The following ACVR1B variants were observed in gnomAD, a reference collection of about 807,000 sequenced individuals.
The protein encoded by ACVR1B is activin receptor type-1B.
A neutral mutation model predicts 55.6 loss-of-function variants in ACVR1B; 15 were observed. The ratio of observed to expected loss-of-function variants is 0.27; its 90% CI spans 0.18 to 0.42. The LOEUF (loss-of-function observed/expected upper bound fraction) is 0.42. Ranked by LOEUF, ACVR1B falls within the 10% of genes least tolerant of loss-of-function variation. The pLI is 1.00. For missense variants in ACVR1B, 359 were observed against 670.1 expected (o/e 0.54, Z 5.13); for synonymous variants, 247 against 254.6 (o/e 0.97, Z 0.28).
At chr12:51,961,590 C>T (rs1941528110) in intron 1 of ACVR1B, among the ~76,000 whole-genome samples, 2 of 152,026 alleles carry the variant, frequency 1.3e-5, no homozygotes, top group Admixed American at 6.5e-5. Context: ...TTTCCTTTTC[C>T]ATTGTCCCAG....
chr12:51,974,485 A>G (rs1171066563), intron 1 of ACVR1B, among the ~76,000 whole-genome samples: 1 of 151,478 alleles, frequency 6.6e-6, no homozygotes, highest in African/African-American at 2.4e-5. Context: ...GTGATTGTGT[A>G]CACTGCCTGT....
chr12:51,986,758 T>C (rs1942083376), intron 6 of ACVR1B, 60 bp from the exon 7 acceptor site: 13 of 1,554,418 alleles, frequency 8.4e-6, no homozygotes, highest in African/African-American at 2.7e-5. Context: ...ATCAATACTT[T>C]GATTTAAAGA....
chr12:51,985,206 G>A lies in ACVR1B; in HGVS notation c.994G>A (p.Ala332Thr), dbSNP rs760243909. ...TTCTCTGCCAGGGAAGCCTGGAATT[G>A]CTCATCGAGACTTAAAGTCAAAGAA... The part of the protein sequence containing the change: ...IVGTQGKPGI[A>T]HRDLKSKNIL... Residue 332 changes from alanine (A) to threonine (T), a missense_variant, in exon 6 of 9, where the codon GCT (alanine) becomes ACT (threonine). Around this residue, in one of 5 missense-constraint regions of ACVR1B, gnomAD observed 119 missense variants for 340.2 expected, o/e 0.35. Coordinates refer to ENST00000257963, the MANE Select transcript of ACVR1B (RefSeq NM_004302.5). 1 of 1,610,130 alleles carries A rather than the reference G, an allele frequency of 6.2e-7. No individual in the cohort carries two copies. Among genetic ancestry groups the A allele is most frequent in the Admixed American group, 1.7e-5 (1 of 59,026 alleles).
intron 1 of ACVR1B, among the ~76,000 whole-genome samples, chr12:51,968,307 A>T (rs1368656762): frequency 1.3e-5 from 2 of 152,270 alleles, no homozygotes; most frequent in Non-Finnish European, 2.9e-5. Context: ...ATTATTTCGA[A>T]GTGAACAAGT....
intron 1 of ACVR1B, among the ~76,000 whole-genome samples, chr12:51,957,232 G>A (rs947302964): frequency 4.6e-5 from 7 of 151,996 alleles, no homozygotes; most frequent in African/African-American, 1.7e-4. Context: ...TGGATCATGA[G>A]GTCAGGAGTT....
At chr12:51,953,383 G>A (rs1297035388) in intron 1 of ACVR1B, 2 of 985,346 alleles carry the variant, frequency 2.0e-6, no homozygotes, top group African/African-American at 3.5e-5. Context: ...ACGGGCTAAT[G>A]CTTCTCCTAA....
At chr12:51,987,198 C>A in intron 7 of ACVR1B, 1 of 682,256 alleles carries the variant, frequency 1.5e-6, no homozygotes, top group South Asian at 1.7e-5. Flanking sequence ...TATAAACAAA[C>A]AAACATTGTT....
chr12:51,982,760 C>G, intron 4 of ACVR1B: 1 of 1,533,970 alleles, frequency 6.5e-7, no homozygotes, highest in East Asian at 2.5e-5. Flanking sequence ...GAGCCTTAGA[C>G]TCCAATACAA....
At chr12:51,960,489 G>A (rs1303940063) in intron 1 of ACVR1B, among the ~76,000 whole-genome samples, 2 of 152,278 alleles carry the variant, frequency 1.3e-5, no homozygotes, top group East Asian at 1.9e-4. Context: ...ACTATGAGGA[G>A]TTCAGGTGAC....
intron 6 of ACVR1B, among the ~76,000 whole-genome samples, chr12:51,986,099 G>T (rs922908934): frequency 6.6e-6 from 1 of 152,058 alleles, no homozygotes; most frequent in Non-Finnish European, 1.5e-5. Flanking sequence ...AAAGCAGTTC[G>T]GAATGAAACT....
At chr12:51,975,632 G>T in intron 2 of ACVR1B, 128 bp downstream of exon 2, 1 of 1,306,146 alleles carries the variant, frequency 7.7e-7, no homozygotes, top group Non-Finnish European at 1.0e-6. Context: ...GTTCCCGAAG[G>T]TGACAAAGGC....
At chr12:51,987,332 T>C in intron 7 of ACVR1B, 1 of 522,508 alleles carries the variant, frequency 1.9e-6, no homozygotes, top group East Asian at 3.0e-5. Context: ...TGGGAAACCC[T>C]GCTGTTTCAT....
intron 1 of ACVR1B, among the ~76,000 whole-genome samples, chr12:51,961,539 T>C (rs1418291767): frequency 6.6e-6 from 1 of 152,258 alleles, no homozygotes; most frequent in African/African-American, 2.4e-5. Flanking sequence ...ACTTGATCTC[T>C]CAACCTCATT....
intron 8 of ACVR1B, among the ~76,000 whole-genome samples, chr12:51,992,518 A>G (rs951219498): frequency 1.3e-5 from 2 of 152,194 alleles, no homozygotes; most frequent in Non-Finnish European, 2.9e-5. Flanking sequence ...AAAAAGGACA[A>G]GGCTTTGTCT....
chr12:51,958,071 CAGTG>C (rs1941446992), intron 1 of ACVR1B, among the ~76,000 whole-genome samples: 4 of 152,256 alleles, frequency 2.6e-5, no homozygotes, highest in South Asian at 4.1e-4. Flanking sequence ...GCATGGCTGT[CAGTG>C]AGCAGGAAGG....
At chr12:51,959,097 T>A (rs1565609577) in intron 1 of ACVR1B, among the ~76,000 whole-genome samples, 2 of 152,252 alleles carry the variant, frequency 1.3e-5, no homozygotes, top group Non-Finnish European at 2.9e-5. Flanking sequence ...CAGTCCACCT[T>A]CTGCTCCTCA....
At chr12:51,974,854 A>C (rs1341539720) in intron 1 of ACVR1B, among the ~76,000 whole-genome samples, 7 of 152,240 alleles carry the variant, frequency 4.6e-5, no homozygotes, top group Non-Finnish European at 1.0e-4. Flanking sequence ...GAGAGCATGC[A>C]TGCTGCAGGA....
At position 51,993,765 on chromosome 12, in the gene ACVR1B, T is replaced by TAAAAAAAAAAAA. The variant is rs869161100; in HGVS notation, c.1393-192_1393-181dup. On this transcript the variant is annotated intron_variant, in intron 8 of 8. Coordinates refer to ENST00000257963, the MANE Select transcript of ACVR1B (RefSeq NM_004302.5). ...CTGGGTGACAGAGTGAGACTCCTTC[T>TAAAAAAAAAAAA]AAAAAAAAAAAAAAAAAAAAAAAAA... Among the ~76,000 whole-genome samples, 11 of 29,768 alleles carry TAAAAAAAAAAAA rather than the reference T, an allele frequency of 3.7e-4. 2 individuals are homozygous for TAAAAAAAAAAAA. Among genetic ancestry groups the TAAAAAAAAAAAA allele is most frequent in the Admixed American group, 1.3e-3 (2 of 1,580 alleles). 19.5% of individuals were successfully genotyped at this position (29,768 alleles called of 152,430 possible).
At chr12:51,983,966 C>A in intron 4 of ACVR1B, 33 bp from the exon 5 acceptor site, 2 of 1,612,762 alleles carry the variant, frequency 1.2e-6, no homozygotes, top group Non-Finnish European at 1.7e-6. Context: ...GATAGTTACA[C>A]TTTTTCTGGG....
Sources: allele counts gnomAD v4.1 joint callset (sites outside exome capture counted in the v4.1 genomes callset), GRCh38; gene constraint gnomAD v4.1.1; regional missense constraint gnomAD v4.1.1; transcripts MANE v1.5; gene names NCBI Gene and HGNC (gene_info 2026-07-23, HGNC 2026-07-21).